The following FGF14 variants were observed in gnomAD, a reference collection of about 807,000 sequenced individuals.
The protein encoded by FGF14 is fibroblast growth factor 14, also known as fibroblast growth factor homologous factor 4.
Under a neutral mutation model 25.5 loss-of-function variants are expected in FGF14, and 5 were observed. That is an observed-to-expected ratio of 0.20 (90% CI 0.10 to 0.41). The LOEUF (loss-of-function observed/expected upper bound fraction) is 0.41. Among genes scored for constraint, FGF14 ranks in the 10% least tolerant of loss-of-function variants. The pLI is 1.00. For synonymous variants in FGF14, 138 were observed against 118.3 expected (o/e 1.17, Z -1.08); for missense variants, 222 against 320.1 (o/e 0.69, Z 2.34).
At chr13:102,227,636 A>G (rs546814570) in intron 1 of FGF14, among the ~76,000 whole-genome samples, 2 of 152,324 alleles carry the variant, frequency 1.3e-5, no homozygotes, top group East Asian at 3.9e-4. Flanking sequence ...CTTCTAATGC[A>G]AAGTTTTACT....
intron 1 of FGF14, among the ~76,000 whole-genome samples, chr13:102,264,852 G>C (rs1439980845): frequency 1.3e-5 from 2 of 152,084 alleles, no homozygotes; most frequent in Non-Finnish European, 2.9e-5. Flanking sequence ...CTCTTCTCCT[G>C]CTAGTTGTTT....
chr13:101,861,273 A>G (rs1199971138), intron 3 of FGF14, among the ~76,000 whole-genome samples: 1 of 152,102 alleles, frequency 6.6e-6, no homozygotes, highest in Non-Finnish European at 1.5e-5. Context: ...TTCCATGACT[A>G]TAATCCACTT....
intron 3 of FGF14, among the ~76,000 whole-genome samples, chr13:101,866,896 C>A (rs1357312143): frequency 6.6e-6 from 1 of 152,062 alleles, no homozygotes; most frequent in East Asian, 1.9e-4. Context: ...GTGTCTCTTA[C>A]CAGACTTTGG....
At chr13:102,101,322 A>G (rs764060869) in intron 1 of FGF14, among the ~76,000 whole-genome samples, 27 of 152,234 alleles carry the variant, frequency 1.8e-4, no homozygotes, top group Non-Finnish European at 2.8e-4. Flanking sequence ...AACTATTTAC[A>G]GTTACATACA....
At chr13:101,987,055 C>T (rs1450572586) in intron 1 of FGF14, among the ~76,000 whole-genome samples, 1 of 152,044 alleles carries the variant, frequency 6.6e-6, no homozygotes, top group Non-Finnish European at 1.5e-5. Context: ...TAGTCCATGC[C>T]ATGATTGGAC....
At position 101,810,620 on chromosome 13, in the gene FGF14, C is replaced by T. The variant is rs561917136; in HGVS notation, c.408+58105G>A. ...ATCACTTAAGCCCTCTCTTATCTTG[C>T]CTTTGTGCAGTCTCTGTCTTACAGC... On this transcript the variant is annotated intron_variant, in intron 3 of 4. Transcript: ENST00000376143. 1.4e-4 allele frequency among the ~76,000 whole-genome samples: 22 copies of T among 152,270 alleles called. 1 individual carries two copies. In the South Asian group the frequency reaches 4.4e-3, roughly 30 times the overall value.
At chr13:101,791,908 A>G (rs1242994368) in intron 3 of FGF14, among the ~76,000 whole-genome samples, 1 of 152,164 alleles carries the variant, frequency 6.6e-6, no homozygotes, top group Non-Finnish European at 1.5e-5. Context: ...GTGTTTATAT[A>G]TTGGCATTAG....
intron 1 of FGF14, among the ~76,000 whole-genome samples, chr13:101,892,408 C>G (rs748318144): frequency 1.3e-5 from 2 of 152,116 alleles, no homozygotes; most frequent in Non-Finnish European, 2.9e-5. Context: ...CTAGTAAAAG[C>G]TAATTAAGAT....
chr13:101,992,704 A>G (rs1292913803), intron 1 of FGF14, among the ~76,000 whole-genome samples: 1 of 152,092 alleles, frequency 6.6e-6, no homozygotes, highest in Non-Finnish European at 1.5e-5. Flanking sequence ...TGAAGAATTT[A>G]TTTAATGGGC....
rs2055679492 is a variant in FGF14 at position 102,310,611 on chromosome 13, G to A, written c.208+90860C>T. 2.2e-5 allele frequency among the ~76,000 whole-genome samples: 3 copies of A among 138,626 alleles called. No homozygotes were observed. The South Asian group carries it at 6.8e-4, about 31-fold the overall frequency. The allele number at this position is 138,626 out of a possible 152,430, so 90.9% of individuals were successfully genotyped here. On this transcript the variant is annotated intron_variant, in intron 1 of 4. Coordinates refer to the FGF14 transcript ENST00000376131. ...TGGGCCAGGAGATAGAGGGAGGCAA[G>A]GAATAAAACCTTCTTTCCTTTCTGT...
At chr13:102,069,370 T>C (rs938277736) in intron 1 of FGF14, among the ~76,000 whole-genome samples, 42 of 152,146 alleles carry the variant, frequency 2.8e-4, no homozygotes, top group African/African-American at 9.7e-4. Flanking sequence ...ATCAGCAGGA[T>C]GTGGGTGGGG....
intron 1 of FGF14, among the ~76,000 whole-genome samples, chr13:102,136,490 A>G (rs997670760): frequency 1.3e-5 from 2 of 152,150 alleles, no homozygotes; most frequent in African/African-American, 4.8e-5. Flanking sequence ...AATCAGCTCC[A>G]ACACACCCAC....
chr13:101,954,215 C>T (rs77671260), intron 1 of FGF14, among the ~76,000 whole-genome samples: 2,365 of 149,396 alleles, frequency 0.016, 63 homozygotes, highest in African/African-American at 0.054. Context: ...AACTCTGTAA[C>T]GTCAAAAAAC....
chr13:101,832,597 A>G (rs1458720937), intron 3 of FGF14, among the ~76,000 whole-genome samples: 1 of 151,982 alleles, frequency 6.6e-6, no homozygotes, highest in African/African-American at 2.4e-5. Flanking sequence ...AACCCCAAGA[A>G]TTGAGAGAAC....
chr13:101,965,460 TAAAA>T (rs536795307), intron 1 of FGF14, among the ~76,000 whole-genome samples: 4 of 151,962 alleles, frequency 2.6e-5, no homozygotes, highest in Admixed American at 2.6e-4. Flanking sequence ...ACATCAAATA[TAAAA>T]AAAATTCTTA....
chr13:101,963,349 C>T (rs1484160016), intron 1 of FGF14, among the ~76,000 whole-genome samples: 1 of 152,172 alleles, frequency 6.6e-6, no homozygotes, highest in Non-Finnish European at 1.5e-5. Context: ...GCTGTATTCT[C>T]TGACTCTACT....
intron 1 of FGF14, among the ~76,000 whole-genome samples, chr13:102,095,232 G>A (rs1022085318): frequency 2.0e-5 from 3 of 152,088 alleles, no homozygotes; most frequent in Non-Finnish European, 2.9e-5. Flanking sequence ...CAGGATGAAG[G>A]GTTTCTGAAA....
intron 1 of FGF14, among the ~76,000 whole-genome samples, chr13:101,984,278 GA>G (rs933470244): frequency 2.0e-5 from 3 of 151,860 alleles, no homozygotes; most frequent in Non-Finnish European, 2.9e-5. Context: ...ACTAAAACAT[GA>G]AAAAAATGCA....
intron 1 of FGF14, among the ~76,000 whole-genome samples, chr13:102,391,816 A>G (rs570016454): frequency 7.4e-4 from 112 of 152,372 alleles, no homozygotes; most frequent in Non-Finnish European, 1.2e-3. Flanking sequence ...GCTTACGTAG[A>G]AAACTGACTC....
Sources: allele counts gnomAD v4.1 joint callset (sites outside exome capture counted in the v4.1 genomes callset), GRCh38; gene constraint gnomAD v4.1.1; transcripts MANE v1.5; gene names NCBI Gene and HGNC (gene_info 2026-07-23, HGNC 2026-07-21).